Variants in KIFC3 observed in about 807,000 individuals in gnomAD.
KIFC3 encodes kinesin-like protein KIFC3.
A neutral mutation model predicts 101.8 loss-of-function variants in KIFC3; 60 were observed. The ratio of observed to expected loss-of-function variants is 0.59; its 90% CI spans 0.48 to 0.73. The LOEUF (loss-of-function observed/expected upper bound fraction) is 0.73. Ranked by LOEUF, KIFC3 falls within the 30% of genes least tolerant of loss-of-function variation. The pLI, the probability that KIFC3 is intolerant of heterozygous loss-of-function variation, is 0.00. For missense variants in KIFC3, 966 were observed against 1,137.1 expected (o/e 0.85, Z 2.16); for synonymous variants, 476 against 482.7 (o/e 0.99, Z 0.18).
At chr16:57,848,194 C>T (rs1279270637) in intron 1 of KIFC3, among the ~76,000 whole-genome samples, 1 of 152,118 alleles carries the variant, frequency 6.6e-6, no homozygotes, top group Non-Finnish European at 1.5e-5. Flanking sequence ...CTTGAAGTTG[C>T]CATACATTTT....
At chr16:57,851,613 C>A (rs1440427467) in intron 1 of KIFC3, among the ~76,000 whole-genome samples, 2 of 150,472 alleles carry the variant, frequency 1.3e-5, no homozygotes, top group Non-Finnish European at 2.9e-5. Context: ...GTTGCCAAGG[C>A]TGGAGTGCAG....
intron 3 of KIFC3, among the ~76,000 whole-genome samples, chr16:57,794,434 C>T (rs562092351): frequency 1.2e-3 from 188 of 152,000 alleles, no homozygotes; most frequent in South Asian, 0.012. Flanking sequence ...CTATATTGTC[C>T]AGGCTGGTCG....
intron 1 of KIFC3, among the ~76,000 whole-genome samples, chr16:57,852,199 A>G (rs1192040120): frequency 6.6e-6 from 1 of 152,154 alleles, no homozygotes; most frequent in African/African-American, 2.4e-5. Flanking sequence ...ATGAGACACT[A>G]ACAGTCAGTC....
chr16:57,823,734 A>G (rs1397510580), intron 1 of KIFC3, among the ~76,000 whole-genome samples: 1 of 149,266 alleles, frequency 6.7e-6, no homozygotes, highest in Admixed American at 6.7e-5. Flanking sequence ...CTGGGGTTAC[A>G]GGTGTGCACC....
chr16:57,858,891 A>T (rs1427907447), intron 1 of KIFC3, among the ~76,000 whole-genome samples: 1 of 152,162 alleles, frequency 6.6e-6, no homozygotes, highest in Non-Finnish European at 1.5e-5. Context: ...TCAATGCCGC[A>T]GTGAGCTGAG....
chr16:57,784,043 C>T (rs2053050209), intron 3 of KIFC3, among the ~76,000 whole-genome samples: 2 of 152,240 alleles, frequency 1.3e-5, no homozygotes, highest in Admixed American at 1.3e-4. Flanking sequence ...CAGGGACAAG[C>T]CCTCGAGGCC....
chr16:57,765,849 AG>A (rs2050422231), intron 10 of KIFC3: 1 of 506,560 alleles, frequency 2.0e-6, no homozygotes, highest in East Asian at 3.2e-5. Context: ...TGAACAGACC[AG>A]TTGACTGGGG....
chr16:57,851,570 CTTTTT>C (rs11376679), intron 1 of KIFC3, among the ~76,000 whole-genome samples: 1 of 144,114 alleles, frequency 6.9e-6, no homozygotes, highest in Non-Finnish European at 1.5e-5. Flanking sequence ...TTCGTTCATT[CTTTTT>C]TTTTTTTTTG....
chr16:57,840,009 C>T (rs1474268806), intron 1 of KIFC3, among the ~76,000 whole-genome samples: 1 of 152,146 alleles, frequency 6.6e-6, no homozygotes, highest in African/African-American at 2.4e-5. Context: ...CCAGCCTTCC[C>T]AGTCTCAGTA....
intron 3 of KIFC3, among the ~76,000 whole-genome samples, chr16:57,786,832 G>A (rs1318078720): frequency 1.3e-5 from 2 of 152,198 alleles, no homozygotes; most frequent in African/African-American, 4.8e-5. Context: ...GAAGTGGGGA[G>A]GGTGCAGCTT....
chr16:57,821,925 G>T (rs2149278108), intron 1 of KIFC3, among the ~76,000 whole-genome samples: 1 of 151,714 alleles, frequency 6.6e-6, no homozygotes, highest in Middle Eastern at 3.4e-3. Context: ...CAAAAATAAA[G>T]ATTAGCCTGG....
At chr16:57,808,873 G>C (rs1211055618) in intron 1 of KIFC3, among the ~76,000 whole-genome samples, 1 of 152,184 alleles carries the variant, frequency 6.6e-6, no homozygotes, top group Non-Finnish European at 1.5e-5. Flanking sequence ...ATGTAAATTG[G>C]AGCAAGCACA....
intron 1 of KIFC3, among the ~76,000 whole-genome samples, chr16:57,828,097 C>A (rs1040475625): frequency 6.6e-6 from 1 of 152,216 alleles, no homozygotes; most frequent in African/African-American, 2.4e-5. Context: ...TGGCCCCTGG[C>A]CCTCTTGGAG....
intron 1 of KIFC3, among the ~76,000 whole-genome samples, chr16:57,857,431 T>C (rs529994332): frequency 6.6e-6 from 1 of 151,522 alleles, no homozygotes; most frequent in Admixed American, 6.6e-5. Flanking sequence ...AATTCTGGGA[T>C]ACATGTGCAG....
chr16:57,805,689 T>TC, upstream of KIFC3, among the ~76,000 whole-genome samples: 1 of 149,870 alleles, frequency 6.7e-6, no homozygotes, highest in African/African-American at 2.5e-5. Context: ...TTTTTTTTTT[T>TC]TTTTGAGACA....
intron 3 of KIFC3, among the ~76,000 whole-genome samples, chr16:57,778,759 T>C (rs2052403396): frequency 6.6e-6 from 1 of 151,912 alleles, no homozygotes; most frequent in African/African-American, 2.4e-5. Context: ...GTTACAAAAA[T>C]GAAAATAAGC....
intron 3 of KIFC3, among the ~76,000 whole-genome samples, chr16:57,787,088 G>A (rs931092040): frequency 6.6e-6 from 1 of 152,250 alleles, no homozygotes; most frequent in Non-Finnish European, 1.5e-5. Flanking sequence ...CTGTTCTAGA[G>A]TGAGTGAGAT....
intron 9 of KIFC3, among the ~76,000 whole-genome samples, chr16:57,768,422 T>C (rs1265658636): frequency 6.6e-6 from 1 of 152,122 alleles, no homozygotes; most frequent in East Asian, 1.9e-4. Context: ...GTTGTACTGT[T>C]AATTTTTTTC....
intron 1 of KIFC3, among the ~76,000 whole-genome samples, chr16:57,845,280 A>G (rs937572075): frequency 6.6e-6 from 1 of 152,032 alleles, no homozygotes; most frequent in South Asian, 2.1e-4. Flanking sequence ...ACTTCTCACC[A>G]CTGCCAGTGC....
Sources: allele counts gnomAD v4.1 joint callset (sites outside exome capture counted in the v4.1 genomes callset), GRCh38; gene constraint gnomAD v4.1.1; transcripts MANE v1.5; gene names NCBI Gene and HGNC (gene_info 2026-07-23, HGNC 2026-07-21).